MGRN1: variants seen among roughly 807,000 people sequenced by gnomAD.
MGRN1 encodes the protein E3 ubiquitin-protein ligase MGRN1.
In MGRN1, 29 loss-of-function variants were observed where a neutral mutation model predicts 69.2. That is an observed-to-expected ratio of 0.42 (90% CI 0.31 to 0.57). MGRN1 has a LOEUF of 0.57. Among genes scored for constraint, MGRN1 ranks in the 20% least tolerant of loss-of-function variants. The pLI, the probability that MGRN1 is intolerant of heterozygous loss-of-function variation, is 0.15. For missense variants in MGRN1, 998 were observed against 796.2 expected (o/e 1.25, Z -3.05); for synonymous variants, 470 against 344.2 (o/e 1.37, Z -4.04).
At chr16:4,676,191 G>T (rs976977702) in intron 10 of MGRN1, among the ~76,000 whole-genome samples, 1 of 152,234 alleles carries the variant, frequency 6.6e-6, no homozygotes, top group East Asian at 1.9e-4. Flanking sequence ...GAGGCCGGCC[G>T]CCCAGCCTGT....
chr16:4,665,002 C>G, intron 6 of MGRN1, 100 bp from the exon 7 acceptor site: 1 of 1,407,910 alleles, frequency 7.1e-7, no homozygotes, highest in Non-Finnish European at 1.0e-6. Context: ...TCTGTGCAGG[C>G]TGAGCCCTCG....
chr16:4,637,086 G>C (rs556765622), intron 1 of MGRN1, among the ~76,000 whole-genome samples: 2 of 122,396 alleles, frequency 1.6e-5, no homozygotes, highest in Non-Finnish European at 3.3e-5. Flanking sequence ...GCCACTGCAC[G>C]CCAGCCCGGG....
At chr16:4,650,583 A>T in intron 2 of MGRN1, 100 bp downstream of exon 2, 1 of 928,854 alleles carries the variant, frequency 1.1e-6, no homozygotes, top group Non-Finnish European at 1.6e-6. Context: ...GCACCAAATC[A>T]CCCCTAAAGG....
intron 16 of MGRN1, 74 bp downstream of exon 16, chr16:4,684,006 TGGTC>T (rs1339581968): frequency 3.0e-6 from 4 of 1,312,692 alleles, no homozygotes; most frequent in African/African-American, 2.9e-5. Flanking sequence ...CCTGCTCTGA[TGGTC>T]GGTGCATAGC....
chr16:4,641,236 CT>C (rs1159234355), intron 1 of MGRN1, among the ~76,000 whole-genome samples: 2 of 152,268 alleles, frequency 1.3e-5, no homozygotes, highest in African/African-American at 4.8e-5. Flanking sequence ...GGCCCCGCCC[CT>C]AACACTTCCC....
intron 1 of MGRN1, among the ~76,000 whole-genome samples, chr16:4,625,435 C>T (rs112879624): frequency 6.6e-5 from 10 of 152,356 alleles, no homozygotes; most frequent in African/African-American, 2.2e-4. Context: ...TTGACCTCAC[C>T]GCGGGGGCCG....
At chr16:4,673,391 C>G in intron 9 of MGRN1, 107 bp from the exon 10 acceptor site, 1 of 1,425,578 alleles carries the variant, frequency 7.0e-7, no homozygotes, top group Admixed American at 2.0e-5. Context: ...TTTGTCATGA[C>G]AGCCCCCAGG....
Position 4,677,532 on chromosome 16 carries a change from G to T in MGRN1, c.1025G>T (p.Ser342Ile), listed in dbSNP as rs766947289. 4 of 1,599,650 alleles carry T rather than the reference G, an allele frequency of 2.5e-6. No homozygotes were observed. Among genetic ancestry groups the T allele is most frequent in the Admixed American group, 3.3e-5 (2 of 59,940 alleles). ...GGAGCCCTGTCCCCCGTGTCCTTCA[G>T]CCCCGTCCTGGCCCAGAGCCTGGAG... Reference protein sequence around the residue: ...KPGALSPVSFSPVLAQSLEHD... With the variant: ...KPGALSPVSFIPVLAQSLEHD... Residue 342 changes from serine to isoleucine, a missense_variant, in exon 11 of 17, where the codon AGC becomes ATC. Transcript: ENST00000262370.
intron 1 of MGRN1, chr16:4,640,569 T>G (rs2141847933): frequency 6.6e-6 from 1 of 152,378 alleles, no homozygotes; most frequent in South Asian, 2.1e-4. Flanking sequence ...TGCCTTTGTT[T>G]TAGTGGTGTT....
At chr16:4,660,486 G>GA (rs530559515) in intron 5 of MGRN1, among the ~76,000 whole-genome samples, 40 of 152,202 alleles carry the variant, frequency 2.6e-4, no homozygotes, top group Middle Eastern at 3.4e-3. Context: ...AGTGTGATGA[G>GA]AAAAAAAATC....
intron 7 of MGRN1, among the ~76,000 whole-genome samples, chr16:4,667,169 C>T (rs1194648084): frequency 1.3e-5 from 2 of 152,248 alleles, no homozygotes; most frequent in Non-Finnish European, 2.9e-5. Context: ...CTAGCCCAGG[C>T]TCTCCACCCA....
At chr16:4,654,515 G>T (rs1249139634) in intron 4 of MGRN1, among the ~76,000 whole-genome samples, 1 of 152,236 alleles carries the variant, frequency 6.6e-6, no homozygotes, top group Non-Finnish European at 1.5e-5. Flanking sequence ...TTAGAGACAG[G>T]CAAGAGCGTG....
intron 1 of MGRN1, among the ~76,000 whole-genome samples, chr16:4,627,106 G>C (rs772739781): frequency 6.6e-6 from 1 of 152,182 alleles, no homozygotes; most frequent in Non-Finnish European, 1.5e-5. Flanking sequence ...GAGGCAGGCC[G>C]GGCCTCAGCA....
Position 4,688,886 on chromosome 16 carries a change from C to G in MGRN1, c.1709C>G (p.Ala570Gly). 6.4e-7 allele frequency: 1 copy of G among 1,551,150 alleles called. No homozygotes were observed. Reference sequence around the variant, plus strand: ...GGTGGCCCCAGCCCCGATCCCAGCGCCGCCGAGCTGACCCCACTCTGAGAG... The same window carrying G: ...GGTGGCCCCAGCCCCGATCCCAGCGGCGCCGAGCTGACCCCACTCTGAGAG... ...PLGGPSPDPS[A>G]AELTPL Residue 570 changes from alanine to glycine, a missense_variant, in exon 17 of 17, where the codon GCC (alanine) becomes GGC (glycine). Coordinates refer to ENST00000262370, the MANE Select transcript of MGRN1 (RefSeq NM_015246.4).
chr16:4,686,561 TCTTCCAGC>T, intron 16 of MGRN1: 1 of 1,330,866 alleles, frequency 7.5e-7, no homozygotes, highest in Non-Finnish European at 9.6e-7. Context: ...GTCAGGCTCT[TCTTCCAGC>T]CTTGAGGGGC....
chr16:4,681,725 T>A lies in MGRN1; in HGVS notation c.1307T>A (p.Ile436Asn), dbSNP rs575952569. 185 of 1,612,850 alleles carry A rather than the reference T, an allele frequency of 1.1e-4. 3 individuals carry two copies. In the South Asian group the frequency reaches 2.0e-3, roughly 18 times the overall value. The stretch of plus-strand genomic sequence containing the variant: ...TGTCCCCTCGCGGCTATCGACCACA[T>A]CCTGGACAGCAGCCGCCAGAAGGGC... The part of the protein sequence containing the change: ...ASCPLAAIDH[I>N]LDSSRQKGRP... Residue 436 changes from isoleucine to asparagine, a missense_variant, in exon 13 of 17, where the codon ATC becomes AAC. Physicochemically the swap from Ile to Asn is moderately radical, Grantham distance 149 (BLOSUM62 -3). Transcript: ENST00000262370.
chr16:4,645,167 G>A (rs867920347), intron 1 of MGRN1, among the ~76,000 whole-genome samples: 39 of 149,686 alleles, frequency 2.6e-4, no homozygotes, highest in Admixed American at 6.6e-4. Context: ...TGGTGGTGGG[G>A]GGACGGGAAG....
Position 4,625,013 on chromosome 16 carries a change from A to C in MGRN1, c.53A>C (p.Gln18Pro), listed in dbSNP as rs1245059072. 2 of 1,560,224 alleles carry C rather than the reference A, an allele frequency of 1.3e-6. No homozygotes were observed. Among genetic ancestry groups the C allele is most frequent in the South Asian group, 2.3e-5 (2 of 85,526 alleles). Reference sequence around the variant, plus strand: ...GCGGGGGTGGAGGACATCGACATCCAGGCGAACTCGGCCTATCGCTACCCT... The same window carrying C: ...GCGGGGGTGGAGGACATCGACATCCCGGCGAACTCGGCCTATCGCTACCCT... ...RIAGVEDIDI[Q>P]ANSAYRYPPK... Residue 18 changes from glutamine (Q) to proline (P), a missense_variant, in exon 1 of 17, where the codon CAG becomes CCG. Physicochemically the swap from Gln to Pro is moderately conservative, Grantham distance 76. Coordinates refer to ENST00000262370, the MANE Select transcript of MGRN1 (RefSeq NM_015246.4).
At chr16:4,641,971 T>G (rs1424458814) in intron 1 of MGRN1, among the ~76,000 whole-genome samples, 2 of 151,918 alleles carry the variant, frequency 1.3e-5, no homozygotes, top group African/African-American at 4.8e-5. Flanking sequence ...CTCTGTGAGG[T>G]GTTTCCAGTT....
Sources: gnomAD v4.1 joint callset for allele counts (sites outside exome capture counted in the v4.1 genomes callset) on GRCh38, gnomAD v4.1.1 for gene constraint, MANE v1.5 for transcripts, NCBI Gene and HGNC (gene_info 2026-07-23, HGNC 2026-07-21) for gene names.